PNPLA7: variants seen among roughly 807,000 people sequenced by gnomAD.
The protein encoded by PNPLA7 is patatin like domain 7, lysophospholipase.
A neutral mutation model predicts 161.7 loss-of-function variants in PNPLA7; 153 were observed. The ratio of observed to expected loss-of-function variants is 0.95; its 90% CI spans 0.83 to 1.08. The LOEUF is 1.08. PNPLA7 is among the 50% of genes least tolerant of loss of function. PNPLA7 has a pLI of 0.00. For synonymous variants in PNPLA7, 809 were observed against 782.1 expected, an observed-to-expected ratio of 1.03 and a Z score of -0.57; for missense variants, 1,739 against 1,856.6, an observed-to-expected ratio of 0.94 and a Z score of 1.16.
intron 14 of PNPLA7, among the ~76,000 whole-genome samples, chr9:137,504,115 AGAAGAAGAAAAAAG>A (rs1206326672): frequency 6.1e-5 from 9 of 148,090 alleles, no homozygotes; most frequent in Non-Finnish European, 1.1e-4. Flanking sequence ...GAAAGAAAGA[AGAAGAAGAAAAAAG>A]GAAGAAGAAA....
In PNPLA7 at chr9:137,500,270, C is replaced by T. The variant is rs1045104877; in HGVS notation, c.1757+421G>A. 2.6e-5 allele frequency among the ~76,000 whole-genome samples: 4 copies of T among 152,254 alleles called. No homozygotes were observed. The highest frequency in any genetic ancestry group is 4.4e-5 in the Non-Finnish European group (3 of 68,048). ...ACCCACTGCCTTGCCCTTCCACCTC[C>T]GCATCACTGGCTCCCGACACGTCAG... On this transcript the variant is annotated intron_variant, in intron 16 of 34. Coordinates refer to ENST00000406427, the MANE Select transcript of PNPLA7 (RefSeq NM_001098537.3). The surrounding 1 kb of genome is among the most constrained non-coding windows in gnomAD (Gnocchi z 5.5).
intron 14 of PNPLA7, among the ~76,000 whole-genome samples, chr9:137,504,646 A>G (rs1833814503): frequency 6.6e-6 from 1 of 152,198 alleles, no homozygotes; most frequent in African/African-American, 2.4e-5. Flanking sequence ...TGGGTGGGTG[A>G]GCAATCGCAG....
chr9:137,499,011 C>T lies in PNPLA7; in HGVS notation c.1758-766G>A, dbSNP rs1164563464. Among the ~76,000 whole-genome samples, 1 of 151,886 alleles carries T rather than the reference C, an allele frequency of 6.6e-6. No individual in the cohort carries two copies. The highest frequency in any genetic ancestry group is 2.4e-5 in the African/African-American group (1 of 41,324). On this transcript the variant is annotated intron_variant, in intron 16 of 34. Coordinates refer to ENST00000406427, the MANE Select transcript of PNPLA7 (RefSeq NM_001098537.3). The surrounding 1 kb of genome is among the most constrained non-coding windows in gnomAD (Gnocchi z 5.5). ...TGGCAAGACAGTGGCTGGGTGAGGGCGTGAAGGGCGTGAGCGTGGCACTTA... is the reference window on the plus strand; with the variant it reads ...TGGCAAGACAGTGGCTGGGTGAGGGTGTGAAGGGCGTGAGCGTGGCACTTA...
At chr9:137,522,161 G>A (rs377037001) in intron 9 of PNPLA7, among the ~76,000 whole-genome samples, 22 of 152,260 alleles carry the variant, frequency 1.4e-4, no homozygotes, top group Middle Eastern at 3.4e-3. Flanking sequence ...TGCAAGCTCC[G>A]CCTCCCGGGT....
At position 137,537,938 on chromosome 9, in the gene PNPLA7, C is replaced by T. The variant is rs982026600; in HGVS notation, c.747+2704G>A. ...TCGCATACAGATGCCCCGTGCTGAA[C>T]GGGTTTACGTCCACGTAGACCAAAG... On this transcript the variant is annotated intron_variant, in intron 8 of 34. Transcript: ENST00000406427. The surrounding 1 kb of genome is among the most constrained non-coding windows in gnomAD (Gnocchi z 4.5). 2.0e-5 allele frequency among the ~76,000 whole-genome samples: 3 copies of T among 152,216 alleles called. No individual in the cohort carries two copies. Among genetic ancestry groups the T allele is most frequent in the African/African-American group, 7.2e-5 (3 of 41,452 alleles).
At chr9:137,466,023 C>T (rs957787250) in intron 26 of PNPLA7, among the ~76,000 whole-genome samples, 18 of 152,142 alleles carry the variant, frequency 1.2e-4, no homozygotes, top group East Asian at 3.9e-4. Context: ...ACATCTCCCC[C>T]GTGACACTGA....
intron 20 of PNPLA7, among the ~76,000 whole-genome samples, chr9:137,487,679 G>A (rs992613985): frequency 6.6e-6 from 1 of 152,184 alleles, no homozygotes; most frequent in Non-Finnish European, 1.5e-5. Flanking sequence ...CCCTCCACAC[G>A]TGTTCCTCCT....
chr9:137,478,441 A>AGT, intron 24 of PNPLA7: 2 of 304,784 alleles, frequency 6.6e-6, no homozygotes, highest in Non-Finnish European at 1.2e-5. Context: ...GGGGGCCAGA[A>AGT]GGCATCCTCA....
intron 28 of PNPLA7, 130 bp downstream of exon 28, chr9:137,463,995 TG>T: frequency 9.7e-7 from 1 of 1,035,498 alleles, no homozygotes; most frequent in South Asian, 1.6e-5. Flanking sequence ...GTGTCCTCCA[TG>T]GACAAAGCTG....
At chr9:137,530,141 A>T (rs572533300) in intron 8 of PNPLA7, among the ~76,000 whole-genome samples, 23 of 150,360 alleles carry the variant, frequency 1.5e-4, no homozygotes, top group South Asian at 6.3e-4. Flanking sequence ...ATTTTTTTGT[A>T]TTTTTAGTGG....
In PNPLA7 at chr9:137,547,003, C is replaced by A; in HGVS notation, c.194-94G>T. On this transcript the variant is annotated intron_variant, in intron 3 of 34. Coordinates refer to ENST00000406427, the MANE Select transcript of PNPLA7 (RefSeq NM_001098537.3). This position sits in a 1 kb window ranked among gnomAD's most constrained non-coding sequence, Gnocchi z 4.6. Reference sequence around the variant, plus strand: ...CAGCACAGTCAGTCATACTCTCGTCCCTGCCAGTAACTGGCCATACTCAGA... The same window carrying A: ...CAGCACAGTCAGTCATACTCTCGTCACTGCCAGTAACTGGCCATACTCAGA... The A allele has an allele frequency of 8.1e-7, 1 of 1,228,710 alleles. No homozygotes were observed. Among genetic ancestry groups the A allele is most frequent in the Non-Finnish European group, 1.2e-6 (1 of 846,872 alleles). The allele number at this position is 1,228,710 out of a possible 1,614,324, so 76.1% of individuals were successfully genotyped here. A position where few individuals can be genotyped will look rare whatever the true frequency, so the allele number is the denominator to read the frequency against.
rs1305068428 is a variant in PNPLA7, at chr9:137,460,726, A to G, written c.3853T>C (p.Tyr1285His). 1 of 1,612,644 alleles carries G rather than the reference A, an allele frequency of 6.2e-7. No individual in the cohort carries two copies. The change falls in exon 34 of 35, where the codon TAC becomes CAC. Residue 1285 changes from tyrosine (Y) to histidine (H), a missense_variant. Tyr to His is a moderately conservative substitution (Grantham distance 83). Around this residue, in one of 6 missense-constraint regions of PNPLA7, gnomAD observed 703 missense variants for 694.6 expected, o/e 1.01. Transcript: ENST00000406427. ...AGCTCCTCCTCGTACTCCGTCTGGT[A>G]GTCAGATTCGTCTGGCACCGAGGGT... is the stretch of plus-strand genomic sequence containing the variant. ...KPAMVDDESD[Y>H]QTEYEEELLD...
At chr9:137,510,826 C>A (rs1436446018) in intron 12 of PNPLA7, among the ~76,000 whole-genome samples, 2 of 152,200 alleles carry the variant, frequency 1.3e-5, no homozygotes, top group African/African-American at 4.8e-5. Flanking sequence ...GGAAAGTCAC[C>A]CAGGTGCCGA....
chr9:137,467,194 G>C lies in PNPLA7; in HGVS notation c.3039+123C>G. 7.6e-7 allele frequency: 1 copy of C among 1,313,878 alleles called. No homozygotes were observed. Among genetic ancestry groups the C allele is most frequent in the Middle Eastern group, 2.7e-4 (1 of 3,734 alleles). 81.4% of individuals were successfully genotyped at this position (1,313,878 alleles called of 1,614,324 possible). A position where few individuals can be genotyped will look rare whatever the true frequency, so the allele number is the denominator to read the frequency against. ...CAAGCTGCACTGGGAGGCTTCAGGGGGTAGCCTCCTCGAGGGCAGGGCCCT... is the reference window on the plus strand; with the variant it reads ...CAAGCTGCACTGGGAGGCTTCAGGGCGTAGCCTCCTCGAGGGCAGGGCCCT... On this transcript the variant is annotated intron_variant, in intron 26 of 34. Transcript: ENST00000406427. This position sits in a 1 kb window ranked among gnomAD's most constrained non-coding sequence, Gnocchi z 5.1.
At chr9:137,498,378 G>A (rs1299318118) in intron 16 of PNPLA7, 133 bp from the exon 17 acceptor site, 2 of 1,344,598 alleles carry the variant, frequency 1.5e-6, no homozygotes, top group East Asian at 2.5e-5. Flanking sequence ...ACTGGCAGGG[G>A]CTGGGACGGG....
rs1241653457 is a variant in PNPLA7, at chr9:137,493,026, C to T, written c.2184G>A (p.Gln728=). The change falls in exon 20 of 35, where the codon CAG becomes CAA. Residue 728 remains glutamine (Q), a synonymous_variant. Coordinates refer to ENST00000406427, the MANE Select transcript of PNPLA7 (RefSeq NM_001098537.3). The stretch of plus-strand genomic sequence containing the variant: ...GAGGTGACCCACCTGTCACAGGTCC[C>T]TGCTGGAGGCTGCCCAGGATCTTCT... ...LGEKILGSLQ[Q]GPVTGHQLGL... The T allele has an allele frequency of 1.2e-6, 2 of 1,613,650 alleles. No individual in the cohort carries two copies. The highest frequency in any genetic ancestry group is 2.2e-5 in the South Asian group (2 of 91,092).
At chr9:137,463,376 C>T in intron 29 of PNPLA7, 39 bp downstream of exon 29, 1 of 1,540,950 alleles carries the variant, frequency 6.5e-7, no homozygotes, top group Non-Finnish European at 8.9e-7. Flanking sequence ...GACCCAGGAG[C>T]CTGTGCTCCT....
chr9:137,464,031 G>A lies in PNPLA7; in HGVS notation c.3226+95C>T, dbSNP rs555296858. 57 of 1,341,636 alleles carry A rather than the reference G, an allele frequency of 4.2e-5. 1 individual carries two copies. The African/African-American group carries it at 7.4e-4, about 17-fold the overall frequency. The allele number at this position is 1,341,636 out of a possible 1,614,324, so 83.1% of individuals were successfully genotyped here. ...GCCCATACGTCTGCATCCTTCAGGA[G>A]ACCCCGCGGCCTTCCCAACCCCTGG... On this transcript the variant is annotated intron_variant, in intron 28 of 34. Coordinates refer to ENST00000406427, the MANE Select transcript of PNPLA7 (RefSeq NM_001098537.3).
chr9:137,542,889 C>A, intron 6 of PNPLA7, 88 bp from the exon 7 acceptor site: 1 of 1,414,670 alleles, frequency 7.1e-7, no homozygotes, highest in Non-Finnish European at 9.7e-7. Context: ...GGTCACTGAC[C>A]CCACTGGCGC....
Sources: allele counts gnomAD v4.1 joint callset (sites outside exome capture counted in the v4.1 genomes callset), GRCh38; gene constraint gnomAD v4.1.1; regional missense constraint gnomAD v4.1.1; non-coding constraint Gnocchi (gnomAD v3.1); transcripts MANE v1.5; gene names NCBI Gene and HGNC (gene_info 2026-07-23, HGNC 2026-07-21).